ST6GAL1: variants seen among roughly 807,000 people sequenced by gnomAD.
The protein encoded by ST6GAL1 is ST6 beta-galactoside alpha-2,6-sialyltransferase 1, also known as beta-galactoside alpha-2,6-sialyltransferase 1.
A neutral mutation model predicts 38.0 loss-of-function variants in ST6GAL1; 20 were observed. The ratio of observed to expected loss-of-function variants is 0.53; its 90% CI spans 0.37 to 0.77. The LOEUF (loss-of-function observed/expected upper bound fraction) is 0.77, where lower values mean the gene tolerates loss of function less well. ST6GAL1 is among the 30% of genes least tolerant of loss of function. ST6GAL1 has a pLI of 0.00. For missense variants in ST6GAL1, 432 were observed against 496.4 expected, an observed-to-expected ratio of 0.87 and a Z score of 1.23; for synonymous variants, 196 against 188.2, an observed-to-expected ratio of 1.04 and a Z score of -0.34.
At chr3:186,948,035 AG>A (rs1460724814) in intron 1 of ST6GAL1, among the ~76,000 whole-genome samples, 1 of 152,170 alleles carries the variant, frequency 6.6e-6, no homozygotes, top group African/African-American at 2.4e-5. Flanking sequence ...GCAGAGAGTG[AG>A]GGAGGGAGGA....
intron 5 of ST6GAL1, among the ~76,000 whole-genome samples, chr3:187,068,724 AG>A (rs1256631233): frequency 5.9e-5 from 9 of 151,738 alleles, no homozygotes; most frequent in Non-Finnish European, 1.2e-4. Context: ...GGGCTATAGC[AG>A]GGGGAGACAT....
rs368502722 is a variant in ST6GAL1, at chr3:187,051,653, C to T, written c.705+307C>T. ...GAGGTTTACATGAGGGACAGCAGAG[C>T]GCAGAACATCCAGGGGAGAGTGGGG... On this transcript the variant is annotated intron_variant, in intron 5 of 7. Coordinates refer to ENST00000169298, the MANE Select transcript of ST6GAL1 (RefSeq NM_173216.2). The T allele has an allele frequency of 3.2e-3, 1,051 of 325,208 alleles. 25 individuals carry two copies. Among genetic ancestry groups the T allele is most frequent in the South Asian group, 0.03 (912 of 30,232 alleles). The allele number at this position is 325,208 out of a possible 1,614,324, so 20.1% of individuals were successfully genotyped here.
At chr3:186,999,474 C>G (rs151027897) in intron 2 of ST6GAL1, among the ~76,000 whole-genome samples, 12,504 of 150,246 alleles carry the variant, frequency 0.083, 570 homozygotes, top group Middle Eastern at 0.14. Flanking sequence ...TGCAGTGGCA[C>G]GATCTCGGCT....
intron 5 of ST6GAL1, among the ~76,000 whole-genome samples, chr3:187,065,994 G>C (rs1719100742): frequency 6.6e-6 from 1 of 152,094 alleles, no homozygotes; most frequent in African/African-American, 2.4e-5. Flanking sequence ...TTTGCCACCA[G>C]CACTTTAAAT....
intron 2 of ST6GAL1, among the ~76,000 whole-genome samples, chr3:186,992,489 A>G (rs749863016): frequency 5.9e-5 from 9 of 152,124 alleles, no homozygotes; most frequent in Non-Finnish European, 1.3e-4. Context: ...CTTAAAAAAT[A>G]AATAAATAAA....
At chr3:187,048,826 C>G (rs568141811) in intron 4 of ST6GAL1, among the ~76,000 whole-genome samples, 6 of 151,752 alleles carry the variant, frequency 4.0e-5, no homozygotes, top group Non-Finnish European at 7.4e-5. Context: ...TCCAGTGGCA[C>G]CTCCAAATCC....
chr3:186,965,974 C>T (rs62292590), intron 2 of ST6GAL1, among the ~76,000 whole-genome samples: 10,998 of 152,292 alleles, frequency 0.072, 555 homozygotes, highest in Non-Finnish European at 0.1. Context: ...TCTCAGCTCA[C>T]TGCAACCTCC....
At chr3:187,003,010 C>T (rs1475850482) in intron 2 of ST6GAL1, among the ~76,000 whole-genome samples, 2 of 152,182 alleles carry the variant, frequency 1.3e-5, no homozygotes, top group East Asian at 1.9e-4. Flanking sequence ...CCAAGATCTG[C>T]GACTGGCAAG....
intron 5 of ST6GAL1, among the ~76,000 whole-genome samples, chr3:187,052,299 CTTT>C (rs1158540252): frequency 6.6e-6 from 1 of 152,002 alleles, no homozygotes; most frequent in East Asian, 1.9e-4. Flanking sequence ...CCTTAAGAAA[CTTT>C]TTTTTAAAAT....
chr3:186,958,689 T>G (rs1165748172), intron 1 of ST6GAL1, among the ~76,000 whole-genome samples: 2 of 152,190 alleles, frequency 1.3e-5, no homozygotes, highest in Non-Finnish European at 2.9e-5. Flanking sequence ...CTGTGGCTCA[T>G]GCCTGTAATC....
At chr3:187,024,063 T>TGTTTTATATATATACATATATAC (rs1560166483) in intron 2 of ST6GAL1, among the ~76,000 whole-genome samples, 9 of 151,714 alleles carry the variant, frequency 5.9e-5, no homozygotes, top group African/African-American at 2.2e-4. Context: ...TACATATATA[T>TGTTTTATATATATACATATATAC]GTTTTATATA....
intron 1 of ST6GAL1, among the ~76,000 whole-genome samples, chr3:186,938,982 G>A (rs535843823): frequency 8.2e-6 from 1 of 121,324 alleles, no homozygotes; most frequent in East Asian, 1.9e-4. Flanking sequence ...AGGGAGGATT[G>A]GGAGTCAGGA....
At chr3:186,961,129 C>T (rs552508297) in intron 1 of ST6GAL1, among the ~76,000 whole-genome samples, 4 of 152,252 alleles carry the variant, frequency 2.6e-5, no homozygotes, top group East Asian at 3.9e-4. Context: ...GTGCACGCCA[C>T]CATGCCTGGC....
intron 5 of ST6GAL1, among the ~76,000 whole-genome samples, chr3:187,066,601 C>CGTGTGTGTGT (rs3055152): frequency 0.013 from 1,885 of 148,822 alleles, 19 homozygotes; most frequent in Non-Finnish European, 0.02. Flanking sequence ...TGCGTGCGTG[C>CGTGTGTGTGT]GTGTGTGTGT....
chr3:187,023,589 C>T (rs1472326720), intron 2 of ST6GAL1, among the ~76,000 whole-genome samples: 1 of 152,092 alleles, frequency 6.6e-6, no homozygotes, highest in Non-Finnish European at 1.5e-5. Context: ...TTTGTAGGGA[C>T]ATGGATGAAG....
chr3:187,042,258 T>C (rs1173822766), intron 3 of ST6GAL1, among the ~76,000 whole-genome samples: 1 of 152,176 alleles, frequency 6.6e-6, no homozygotes, highest in Non-Finnish European at 1.5e-5. Context: ...TAACAAATGT[T>C]ACAAGGCCCT....
rs147093862 is a variant in ST6GAL1, at chr3:187,068,410, C to A, written c.706-4439C>A. Among the ~76,000 whole-genome samples the A allele has an allele frequency of 6.5e-3, 980 of 151,590 alleles. 15 individuals carry two copies. Among genetic ancestry groups the A allele is most frequent in the African/African-American group, 0.023 (957 of 41,312 alleles). On this transcript the variant is annotated intron_variant, in intron 5 of 7. Coordinates refer to ENST00000169298, the MANE Select transcript of ST6GAL1 (RefSeq NM_173216.2). ...TAAGAATCCAATTCAGACTCTCTTA[C>A]TTACTGACTGTGTAATTTGGACAAG...
At chr3:187,067,100 TTTTTTTTG>T (rs1202472316) in intron 5 of ST6GAL1, among the ~76,000 whole-genome samples, 13 of 102,710 alleles carry the variant, frequency 1.3e-4, no homozygotes, top group African/African-American at 5.2e-4. Flanking sequence ...TTTTTTTTTT[TTTTTTTTG>T]GAGACAGAGT....
At chr3:186,995,236 T>C (rs1023237922) in intron 2 of ST6GAL1, among the ~76,000 whole-genome samples, 1 of 151,990 alleles carries the variant, frequency 6.6e-6, no homozygotes, top group African/African-American at 2.4e-5. Flanking sequence ...GGGCCAGGCA[T>C]GGTGGCTCAC....
Sources: allele counts gnomAD v4.1 joint callset (sites outside exome capture counted in the v4.1 genomes callset), GRCh38; gene constraint gnomAD v4.1.1; transcripts MANE v1.5; gene names NCBI Gene and HGNC (gene_info 2026-07-23, HGNC 2026-07-21).